Variants in SLC7A1 observed in about 807,000 individuals in gnomAD.
SLC7A1 encodes the protein high affinity cationic amino acid transporter 1.
Under a neutral mutation model 53.9 loss-of-function variants are expected in SLC7A1, and 10 were observed. The observed-to-expected ratio is 0.19, with a 90% CI of 0.11 to 0.31. The LOEUF is 0.31. Ranked by LOEUF, SLC7A1 falls within the 10% of genes least tolerant of loss-of-function variation. The probability of loss-of-function intolerance (pLI) is 1.00; values close to 1 mark genes in which losing one functional copy is unlikely to be tolerated. For synonymous variants in SLC7A1, 342 were observed against 338.7 expected, an observed-to-expected ratio of 1.01 and a Z score of -0.11; for missense variants, 525 against 827.2, an observed-to-expected ratio of 0.63 and a Z score of 4.48.
chr13:29,595,467 G>T lies in SLC7A1; in HGVS notation c.-166C>A. The T allele has an allele frequency of 6.6e-6, 1 of 151,802 alleles. No homozygotes were observed. Among genetic ancestry groups the T allele is most frequent in the South Asian group, 1.9e-4 (1 of 5,164 alleles). The allele number at this position is 151,802 out of a possible 1,614,324, so 9.4% of individuals were successfully genotyped here. A position where few individuals can be genotyped will look rare whatever the true frequency, so the allele number is the denominator to read the frequency against. ...AGGATCGCGAACAGACAGACTGTCG[G>T]ACGCGCTCAAGGACCAACGGACGCT... On this transcript the variant is annotated 5_prime_UTR_variant, in exon 1 of 13. Transcript: ENST00000380752.
rs1312421348 is a variant in SLC7A1, at chr13:29,509,416, G to A, written c.*5064C>T. On this transcript the variant is annotated 3_prime_UTR_variant, in exon 13 of 13. Transcript: ENST00000380752. ...TTCTTGAGATCACACCATGCACATG[G>A]AAGCCATAGAATTTATTCGAATTTG... 6.6e-6 allele frequency: 1 copy of A among 152,428 alleles called. No individual in the cohort carries two copies. The highest frequency in any genetic ancestry group is 1.5e-5 in the Non-Finnish European group (1 of 68,038). The allele number at this position is 152,428 out of a possible 1,614,324, so 9.4% of individuals were successfully genotyped here.
chr13:29,567,725 T>C (rs2139161911), intron 1 of SLC7A1, among the ~76,000 whole-genome samples: 1 of 152,140 alleles, frequency 6.6e-6, no homozygotes, highest in Non-Finnish European at 1.5e-5. Flanking sequence ...CAAAGACAAA[T>C]AAGTCTCGGG....
intron 1 of SLC7A1, among the ~76,000 whole-genome samples, chr13:29,565,429 A>G (rs1375062935): frequency 6.6e-6 from 1 of 152,190 alleles, no homozygotes; most frequent in African/African-American, 2.4e-5. Flanking sequence ...GAGGAGCACA[A>G]AGGGTTCAAG....
intron 4 of SLC7A1, among the ~76,000 whole-genome samples, chr13:29,531,347 A>C (rs1314743574): frequency 1.3e-5 from 2 of 152,134 alleles, no homozygotes; most frequent in African/African-American, 4.8e-5. Flanking sequence ...ATAAGTAATA[A>C]AGATGCCCAG....
intron 5 of SLC7A1, among the ~76,000 whole-genome samples, chr13:29,527,582 C>T (rs1043819515): frequency 2.0e-5 from 3 of 152,190 alleles, no homozygotes; most frequent in Non-Finnish European, 4.4e-5. Flanking sequence ...TGCCAAGAGC[C>T]CTCACCCAGC....
chr13:29,575,375 A>G (rs78543440), intron 1 of SLC7A1, among the ~76,000 whole-genome samples: 6,611 of 152,298 alleles, frequency 0.043, 472 homozygotes, highest in African/African-American at 0.15. Flanking sequence ...CATAGTTTTA[A>G]AAGCCGAGTG....
intron 8 of SLC7A1, among the ~76,000 whole-genome samples, chr13:29,522,091 G>C (rs1868654680): frequency 6.6e-6 from 1 of 152,174 alleles, no homozygotes; most frequent in African/African-American, 2.4e-5. Flanking sequence ...ATGAAAACCA[G>C]AGTGCAAACT....
chr13:29,564,086 G>A (rs1170856138), intron 1 of SLC7A1, among the ~76,000 whole-genome samples: 1 of 152,168 alleles, frequency 6.6e-6, no homozygotes, highest in Non-Finnish European at 1.5e-5. Flanking sequence ...GGAAAATAGT[G>A]GGGAGAAAGA....
chr13:29,514,657 G>A (rs1431697265), intron 12 of SLC7A1, 74 bp from the exon 13 acceptor site: 4 of 1,188,068 alleles, frequency 3.4e-6, no homozygotes, highest in Non-Finnish European at 4.8e-6. Context: ...CAGAGCCCAG[G>A]GCGGTCCCAC....
rs1491103127 is a variant in SLC7A1 at position 29,516,195 on chromosome 13, GAT to G, written c.1727_1728del (p.Tyr576SerfsTer46). The G allele has an allele frequency of 6.2e-7, 1 of 1,613,836 alleles. No individual in the cohort carries two copies. The highest frequency in any genetic ancestry group is 1.3e-5 in the African/African-American group (1 of 75,060). ...GTGCCCTGGTCCAGCTGCATCATGA[GAT>G]AGACGTTCACGAAGATGCTCAGGAT... ...LPILSIFVNVYLMMQLDQGTW... is the reference protein window; with the variant it reads ...LPILSIFVNVXLMMQLDQGTW... On this transcript the variant is annotated frameshift_variant, in exon 12 of 13. Transcript: ENST00000380752. LOFTEE classifies it high-confidence loss of function.
intron 2 of SLC7A1, among the ~76,000 whole-genome samples, chr13:29,544,773 A>T (rs1427490144): frequency 7.8e-6 from 1 of 127,910 alleles, no homozygotes; most frequent in Non-Finnish European, 1.8e-5. Flanking sequence ...CATGGCGGCG[A>T]GGGCAGTGGG....
intron 8 of SLC7A1, 27 bp downstream of exon 8, chr13:29,522,290 C>T: frequency 6.2e-7 from 1 of 1,613,296 alleles, no homozygotes; most frequent in South Asian, 1.1e-5. Flanking sequence ...TAAAACATTT[C>T]CATGTGAAAT....
At chr13:29,574,550 C>A (rs543772122) in intron 1 of SLC7A1, among the ~76,000 whole-genome samples, 4 of 152,058 alleles carry the variant, frequency 2.6e-5, no homozygotes, top group South Asian at 2.1e-4. Flanking sequence ...TCTCAAAGAG[C>A]CTGTTTTGAA....
intron 1 of SLC7A1, among the ~76,000 whole-genome samples, chr13:29,573,120 G>A (rs1287687519): frequency 1.3e-5 from 2 of 152,204 alleles, no homozygotes; most frequent in Non-Finnish European, 1.5e-5. Flanking sequence ...GATTTAAACT[G>A]AAGGTCACTC....
chr13:29,535,693 C>A, intron 3 of SLC7A1, 126 bp downstream of exon 3: 3 of 885,696 alleles, frequency 3.4e-6, no homozygotes, highest in Non-Finnish European at 3.4e-6. Flanking sequence ...TCAGAAACAT[C>A]CTATTAATTC....
chr13:29,594,770 G>A (rs754991701), intron 1 of SLC7A1, among the ~76,000 whole-genome samples: 1 of 152,196 alleles, frequency 6.6e-6, no homozygotes, highest in Non-Finnish European at 1.5e-5. Flanking sequence ...CCAGACGAGA[G>A]GTGCAGGCGG....
At chr13:29,521,603 G>T (rs762588518) in intron 8 of SLC7A1, among the ~76,000 whole-genome samples, 2 of 152,166 alleles carry the variant, frequency 1.3e-5, no homozygotes, top group African/African-American at 2.4e-5. Context: ...CTGCCTCTCG[G>T]GGCTATGAAA....
In SLC7A1 at chr13:29,522,591, G is replaced by A. The variant is rs781582237; in HGVS notation, c.1050-135C>T. 3.3e-5 allele frequency: 27 copies of A among 809,968 alleles called. No individual in the cohort carries two copies. The African/African-American group carries it at 4.0e-4, about 12-fold the overall frequency. The allele number at this position is 809,968 out of a possible 1,614,324, so 50.2% of individuals were successfully genotyped here. A position where few individuals can be genotyped will look rare whatever the true frequency, so the allele number is the denominator to read the frequency against. On this transcript the variant is annotated intron_variant, in intron 7 of 12. Coordinates refer to ENST00000380752, the MANE Select transcript of SLC7A1 (RefSeq NM_003045.5). ...AAGAGCTGCCGTCCCTCCACGCTGG[G>A]TGAGGCCTGTGGCTAAAAGACTTGG...
chr13:29,577,741 A>G (rs1871467590), intron 1 of SLC7A1, among the ~76,000 whole-genome samples: 1 of 152,176 alleles, frequency 6.6e-6, no homozygotes, highest in Non-Finnish European at 1.5e-5. Flanking sequence ...ATCTTGGTCA[A>G]CCTTAGTCGT....
Sources: gnomAD v4.1 joint callset for allele counts (sites outside exome capture counted in the v4.1 genomes callset) on GRCh38, gnomAD v4.1.1 for gene constraint, MANE v1.5 for transcripts, NCBI Gene and HGNC (gene_info 2026-07-23, HGNC 2026-07-21) for gene names.